The following ARHGAP32 variants were observed in gnomAD, a reference collection of about 807,000 sequenced individuals.
ARHGAP32 encodes rho GTPase-activating protein 32.
A neutral mutation model predicts 186.5 loss-of-function variants in ARHGAP32; 51 were observed. That is an observed-to-expected ratio of 0.27 (90% CI 0.22 to 0.35). The LOEUF (loss-of-function observed/expected upper bound fraction) is 0.35. Ranked by LOEUF, ARHGAP32 falls within the 10% of genes least tolerant of loss-of-function variation. The pLI is 1.00. For synonymous variants in ARHGAP32, 950 were observed against 964.3 expected (o/e 0.99, Z 0.27); for missense variants, 2,186 against 2,623.5 (o/e 0.83, Z 3.64).
Position 128,968,668 on chromosome 11 carries a change from C to T in ARHGAP32, c.*239G>A, listed in dbSNP as rs942038017. On this transcript the variant is annotated 3_prime_UTR_variant, in exon 23 of 23. Transcript: ENST00000682385. ...CAGGTTTCTCTACTGGGTTTCAGCA[C>T]GGGGCTTTACCATCCTTCAGATCTT... 9 of 342,948 alleles carry T rather than the reference C, an allele frequency of 2.6e-5. No individual in the cohort carries two copies. The highest frequency in any genetic ancestry group is 3.6e-5 in the Non-Finnish European group (7 of 194,762). The allele number at this position is 342,948 out of a possible 1,614,324, so 21.2% of individuals were successfully genotyped here.
At chr11:129,032,347 G>A (rs975815094) in intron 11 of ARHGAP32, among the ~76,000 whole-genome samples, 7 of 152,180 alleles carry the variant, frequency 4.6e-5, no homozygotes, top group African/African-American at 1.7e-4. Flanking sequence ...TGCTGCCCCT[G>A]AGCTTTGAAT....
intron 1 of ARHGAP32, among the ~76,000 whole-genome samples, chr11:129,270,345 G>C (rs926466364): frequency 6.6e-6 from 1 of 152,152 alleles, no homozygotes; most frequent in Non-Finnish European, 1.5e-5. Context: ...AAGGCTGGTG[G>C]TTGACAGGGG....
In ARHGAP32 at chr11:129,238,165, G is replaced by C. The variant is rs530493624; in HGVS notation, c.-5+40981C>G. On this transcript the variant is annotated intron_variant, in intron 1 of 6. Coordinates refer to the ARHGAP32 transcript ENST00000525234. ...AGCTTGAGTGAAATTAATTAATCCT[G>C]AATCTGCCATCCTAGAGACCAAATA... Among the ~76,000 whole-genome samples, 3 of 152,062 alleles carry C rather than the reference G, an allele frequency of 2.0e-5. No homozygotes were observed. The South Asian group carries it at 6.2e-4, about 32-fold the overall frequency.
intron 2 of ARHGAP32, chr11:129,125,999 ATCTTG>A (rs1942650747): frequency 4.6e-6 from 2 of 436,708 alleles, no homozygotes; most frequent in Non-Finnish European, 9.1e-6. Context: ...ATGAGGTAAC[ATCTTG>A]TCTTATTTTT....
chr11:129,064,888 T>G lies in ARHGAP32; in HGVS notation c.715A>C (p.Ile239Leu). ...CCACAGTTGATCTTGTTGCCAGCGATAGCTGAAAGGCGTGACAGGTAAGCC... is the reference window on the plus strand; with the variant it reads ...CCACAGTTGATCTTGTTGCCAGCGAGAGCTGAAAGGCGTGACAGGTAAGCC... Reference protein sequence around the residue: ...LMAYLSRLSAIAGNKINCGPA... With the variant: ...LMAYLSRLSALAGNKINCGPA... Residue 239 changes from isoleucine (I) to leucine (L), a missense_variant, in exon 8 of 23, where the codon ATC (isoleucine) becomes CTC (leucine). Transcript: ENST00000682385. The G allele has an allele frequency of 1.9e-6, 3 of 1,599,588 alleles. No homozygotes were observed. Among genetic ancestry groups the G allele is most frequent in the Non-Finnish European group, 2.6e-6 (3 of 1,172,980 alleles).
At chr11:129,058,188 TACACACAC>T (rs58479028) in intron 10 of ARHGAP32, among the ~76,000 whole-genome samples, 27,466 of 133,694 alleles carry the variant, frequency 0.21, 2,921 homozygotes, top group Non-Finnish European at 0.23. Context: ...AAAAAAAATA[TACACACAC>T]ACACACACAC....
chr11:129,188,695 T>TC (rs60857363), intron 1 of ARHGAP32, among the ~76,000 whole-genome samples: 3 of 151,880 alleles, frequency 2.0e-5, no homozygotes, highest in Admixed American at 1.3e-4. Flanking sequence ...AAAGGCATTG[T>TC]CCCCCCCAAT....
In ARHGAP32 at chr11:128,969,002, G is replaced by T. The variant is rs200741943; in HGVS notation, c.6211C>A (p.Gln2071Lys). ...AACGCTGTAGCATAGGTCCTGCTCT[G>T]TGGATGGGGAAAGCCAGGGGGCACA... ...TYVPPGFPHP[Q>K]SRTYATALGQ... Residue 2071 changes from glutamine to lysine, a missense_variant, in exon 23 of 23, where the codon CAG becomes AAG. By Grantham distance (53) the Gln-to-Lys change is moderately conservative. Coordinates refer to ENST00000682385, the MANE Select transcript of ARHGAP32 (RefSeq NM_001378024.1). This position sits in a 1 kb window ranked among gnomAD's most constrained non-coding sequence, Gnocchi z 4.8. 640 of 1,610,190 alleles carry T rather than the reference G, an allele frequency of 4.0e-4. No homozygotes were observed. The highest frequency in any genetic ancestry group is 5.0e-4 in the Non-Finnish European group (594 of 1,177,584).
chr11:129,266,994 C>G (rs1284373110), intron 1 of ARHGAP32, among the ~76,000 whole-genome samples: 5 of 152,148 alleles, frequency 3.3e-5, no homozygotes, highest in Non-Finnish European at 7.4e-5. Flanking sequence ...GGTGTACAGG[C>G]TGGAGTTCCA....
chr11:128,970,424 C>G lies in ARHGAP32; in HGVS notation c.4789G>C (p.Val1597Leu). Reference sequence around the variant, plus strand: ...GACGGCGGAGCATGGAGAGACTGCACTCTCCGGATGGTAGGGTACGGTGGA... The same window carrying G: ...GACGGCGGAGCATGGAGAGACTGCAGTCTCCGGATGGTAGGGTACGGTGGA... ...DIPPYPTIRR[V>L]QSLHAPPSSM... The change falls in exon 23 of 23, where the codon GTG becomes CTG. Residue 1597 changes from valine (V) to leucine (L), a missense_variant. By Grantham distance (32) the Val-to-Leu change is conservative. This residue lies in a region of ARHGAP32 where 1,502 missense variants were observed against 1,570.0 expected (regional missense o/e 0.96). Transcript: ENST00000682385. The surrounding 1 kb of genome is among the most constrained non-coding windows in gnomAD (Gnocchi z 5.8). The G allele has an allele frequency of 6.2e-7, 1 of 1,614,150 alleles. No individual in the cohort carries two copies. Among genetic ancestry groups the G allele is most frequent in the South Asian group, 1.1e-5 (1 of 91,070 alleles).
chr11:129,193,690 T>TATATA (rs1226575656), upstream of ARHGAP32, among the ~76,000 whole-genome samples: 1 of 27,796 alleles, frequency 3.6e-5, no homozygotes, highest in Non-Finnish European at 6.6e-5. Flanking sequence ...TAATATATAT[T>TATATA]ATATAATATA....
chr11:129,044,124 T>C (rs1939712776), intron 10 of ARHGAP32, among the ~76,000 whole-genome samples: 1 of 152,182 alleles, frequency 6.6e-6, no homozygotes, highest in African/African-American at 2.4e-5. Flanking sequence ...GGTTCAATCT[T>C]AAGTCTGCCA....
rs58479028 is a variant in ARHGAP32 at position 129,058,188 on chromosome 11, T to TACAC, written c.963+4088_963+4091dup. On this transcript the variant is annotated intron_variant, in intron 10 of 22. Transcript: ENST00000682385. ...ATGCCCAATAACAGAAAAAAAAATA[T>TACAC]ACACACACACACACACACACACACA... 3.1e-3 allele frequency among the ~76,000 whole-genome samples: 411 copies of TACAC among 133,902 alleles called. 3 individuals are homozygous for TACAC. Among genetic ancestry groups the TACAC allele is most frequent in the African/African-American group, 8.7e-3 (314 of 35,918 alleles). 87.8% of individuals were successfully genotyped at this position (133,902 alleles called of 152,430 possible). A position where few individuals can be genotyped will look rare whatever the true frequency, so the allele number is the denominator to read the frequency against.
At chr11:129,085,629 C>G (rs1422378846) in intron 6 of ARHGAP32, among the ~76,000 whole-genome samples, 1 of 151,978 alleles carries the variant, frequency 6.6e-6, no homozygotes, top group African/African-American at 2.4e-5. Flanking sequence ...AAGCAAAAGA[C>G]CCAGAAAAAC....
intron 1 of ARHGAP32, among the ~76,000 whole-genome samples, chr11:129,246,529 C>T (rs1945099137): frequency 6.6e-6 from 1 of 152,084 alleles, no homozygotes; most frequent in African/African-American, 2.4e-5. Flanking sequence ...ACCTCGAAAT[C>T]CAATAAAATG....
intron 10 of ARHGAP32, among the ~76,000 whole-genome samples, chr11:129,045,961 T>C (rs1565394057): frequency 6.6e-6 from 1 of 152,182 alleles, no homozygotes; most frequent in African/African-American, 2.4e-5. Context: ...AGAGGAGACC[T>C]CCCTGTTGAC....
chr11:128,998,148 C>T (rs1006304044), intron 12 of ARHGAP32, among the ~76,000 whole-genome samples, 171 bp downstream of exon 12: 8 of 152,176 alleles, frequency 5.3e-5, no homozygotes, highest in African/African-American at 1.9e-4. Context: ...CATTCTTAGA[C>T]TTTTCATTCT....
At chr11:129,262,063 G>A (rs547260806) in intron 1 of ARHGAP32, among the ~76,000 whole-genome samples, 8 of 152,100 alleles carry the variant, frequency 5.3e-5, no homozygotes, top group African/African-American at 1.2e-4. Context: ...GAGAAAATAC[G>A]GAAACCTGAC....
intron 7 of ARHGAP32, 98 bp downstream of exon 7, chr11:129,066,633 T>G (rs1297281353): frequency 6.8e-5 from 76 of 1,117,714 alleles, no homozygotes. Context: ...GGAATCACCC[T>G]GCGTGTTCAG....
Sources: allele counts gnomAD v4.1 joint callset (sites outside exome capture counted in the v4.1 genomes callset), GRCh38; gene constraint gnomAD v4.1.1; regional missense constraint gnomAD v4.1.1; non-coding constraint Gnocchi (gnomAD v3.1); transcripts MANE v1.5; gene names NCBI Gene and HGNC (gene_info 2026-07-23, HGNC 2026-07-21).